The following GRB10 variants were observed in gnomAD, a reference collection of about 807,000 sequenced individuals.
GRB10 encodes growth factor receptor bound protein 10.
GRB10 carries 20 observed loss-of-function variants against 80.9 expected under a neutral mutation model. The observed-to-expected ratio is 0.25, with a 90% CI of 0.17 to 0.36. The LOEUF is 0.36. GRB10 is among the 10% of genes least tolerant of loss of function. The pLI is 1.00. For missense variants in GRB10, 548 were observed against 747.7 expected, an observed-to-expected ratio of 0.73 and a Z score of 3.12; for synonymous variants, 291 against 291.5, an observed-to-expected ratio of 1.00 and a Z score of 0.02.
At chr7:50,792,504 A>G (rs1413653104) in intron 1 of GRB10, 2 of 398,524 alleles carry the variant, frequency 5.0e-6, no homozygotes, top group Admixed American at 4.4e-5. Context: ...AGAGGCAATC[A>G]GCAAAGGCGA....
chr7:50,788,551 C>T (rs770462301), intron 1 of GRB10, among the ~76,000 whole-genome samples: 13 of 152,178 alleles, frequency 8.5e-5, no homozygotes, highest in Non-Finnish European at 1.8e-4. Context: ...AGCCCCCAAC[C>T]CCACATTAGC....
intron 5 of GRB10, among the ~76,000 whole-genome samples, chr7:50,696,113 A>G (rs1265837543): frequency 1.3e-5 from 2 of 152,092 alleles, no homozygotes; most frequent in South Asian, 2.1e-4. Context: ...GTCTTTCCCT[A>G]TTTCCTTTAT....
At position 50,626,780 on chromosome 7, in the gene GRB10, T is replaced by C. The variant is rs761869641; in HGVS notation, c.661+42A>G. On this transcript the variant is annotated intron_variant, in intron 8 of 18. Coordinates refer to ENST00000401949, the MANE Select transcript of GRB10 (RefSeq NM_001350814.2). ...GCAGCAGTCTTCATTCAATTGCACA[T>C]AAGCATCCCCAGGTGCCAATCCTGT... 6 of 1,612,086 alleles carry C rather than the reference T, an allele frequency of 3.7e-6. No individual in the cohort carries two copies. The African/African-American group carries it at 6.7e-5, about 18-fold the overall frequency.
chr7:50,659,070 A>C (rs1428279320), intron 7 of GRB10, among the ~76,000 whole-genome samples: 2 of 152,236 alleles, frequency 1.3e-5, no homozygotes, highest in African/African-American at 4.8e-5. Flanking sequence ...TTCTGTGTAA[A>C]GTTTACAGGT....
chr7:50,770,532 C>G (rs572682282), intron 2 of GRB10, among the ~76,000 whole-genome samples: 1 of 152,198 alleles, frequency 6.6e-6, no homozygotes, highest in South Asian at 2.1e-4. Context: ...GTGACCTCAC[C>G]CCTATGGCAA....
intron 4 of GRB10, among the ~76,000 whole-genome samples, chr7:50,726,424 C>T (rs12538863): frequency 0.084 from 12,770 of 151,770 alleles, 920 homozygotes; most frequent in Admixed American, 0.19. Context: ...AAAAATAATA[C>T]ATAGAAAATA....
intron 5 of GRB10, among the ~76,000 whole-genome samples, chr7:50,682,378 G>C (rs1018139130): frequency 2.0e-5 from 3 of 152,226 alleles, no homozygotes; most frequent in Non-Finnish European, 4.4e-5. Flanking sequence ...CAGGCTCTGG[G>C]ATTTAGGTGG....
chr7:50,678,276 TGA>T (rs2061166292), intron 5 of GRB10, among the ~76,000 whole-genome samples: 1 of 152,254 alleles, frequency 6.6e-6, no homozygotes, highest in African/African-American at 2.4e-5. Flanking sequence ...TACTCTCCTC[TGA>T]GGTGGATTAT....
intron 17 of GRB10, among the ~76,000 whole-genome samples, chr7:50,602,372 A>G (rs114570843): frequency 2.0e-5 from 3 of 152,266 alleles, no homozygotes; most frequent in Admixed American, 6.5e-5. Flanking sequence ...CGACACCACT[A>G]AACAGCAACC....
rs999148619 is a variant in GRB10, at chr7:50,621,221, A to G, written c.662-1936T>C. On this transcript the variant is annotated intron_variant, in intron 8 of 18. Coordinates refer to ENST00000401949, the MANE Select transcript of GRB10 (RefSeq NM_001350814.2). ...CCTGGAAAGATCATGGGAAAGTTGC[A>G]CATGGCAGTGTAAACACACAGGGGG... is the stretch of plus-strand genomic sequence containing the variant. 4.1e-4 allele frequency among the ~76,000 whole-genome samples: 62 copies of G among 152,224 alleles called. 2 individuals are homozygous for G. Among genetic ancestry groups the G allele is most frequent in the Non-Finnish European group, 8.8e-5 (6 of 68,040 alleles).
At position 50,777,994 on chromosome 7, in the gene GRB10, G is replaced by A. The variant is rs187158701; in HGVS notation, c.-217+2633C>T. 1.7e-3 allele frequency among the ~76,000 whole-genome samples: 265 copies of A among 152,196 alleles called. 2 individuals are homozygous for A. The highest frequency in any genetic ancestry group is 6.2e-3 in the African/African-American group (256 of 41,514). On this transcript the variant is annotated intron_variant, in intron 2 of 18. Transcript: ENST00000401949. ...TGGGGGGCTTAAAATCTAGATGACA[G>A]GTTGATAGATGTAGCAAACCACCAT...
intron 4 of GRB10, among the ~76,000 whole-genome samples, chr7:50,728,214 T>TGG (rs10538509): frequency 0.07 from 10,269 of 147,596 alleles, 415 homozygotes; most frequent in East Asian, 0.091. Flanking sequence ...AGCCAAAGTA[T>TGG]GGGGGGGGGG....
chr7:50,717,723 T>C (rs1300713276), intron 4 of GRB10, among the ~76,000 whole-genome samples: 1 of 152,244 alleles, frequency 6.6e-6, no homozygotes, highest in Non-Finnish European at 1.5e-5. Context: ...GTGTCCATAT[T>C]ATCAACCAGG....
At chr7:50,713,745 ACCT>A (rs994107515) in intron 4 of GRB10, among the ~76,000 whole-genome samples, 15 of 63,050 alleles carry the variant, frequency 2.4e-4, no homozygotes, top group Non-Finnish European at 3.1e-5. Flanking sequence ...CATCACCTCC[ACCT>A]CCTCCACCAT....
At position 50,732,361 on chromosome 7, in the gene GRB10, T is replaced by A; in HGVS notation, c.-39A>T. 6.4e-7 allele frequency: 1 copy of A among 1,554,158 alleles called. No homozygotes were observed. Among genetic ancestry groups the A allele is most frequent in the Non-Finnish European group, 8.9e-7 (1 of 1,126,396 alleles). Reference sequence around the variant, plus strand: ...CTTCTTCAAATTACATTTACTGCGCTGCAGCACCTGGAATAAAGACAGACT... The same window carrying A: ...CTTCTTCAAATTACATTTACTGCGCAGCAGCACCTGGAATAAAGACAGACT... On this transcript the variant is annotated 5_prime_UTR_variant, in exon 4 of 19. Transcript: ENST00000401949.
intron 5 of GRB10, among the ~76,000 whole-genome samples, chr7:50,688,440 T>C (rs2062370117): frequency 6.6e-6 from 1 of 152,122 alleles, no homozygotes; most frequent in Admixed American, 6.5e-5. Flanking sequence ...GAAGGTAGTG[T>C]CATCTTTGTC....
In GRB10 at chr7:50,618,252, C is replaced by A. The variant is rs1332590785; in HGVS notation, c.778-113G>T. The A allele has an allele frequency of 8.9e-6, 7 of 784,836 alleles. No homozygotes were observed. The Admixed American group carries it at 1.0e-4, about 11-fold the overall frequency. The allele number at this position is 784,836 out of a possible 1,614,324, so 48.6% of individuals were successfully genotyped here. A position where few individuals can be genotyped will look rare whatever the true frequency, so the allele number is the denominator to read the frequency against. ...ATTCCTACCAGTATAATTACATACA[C>A]CTGTATTTAAAATGGCGGTCCTTTT... On this transcript the variant is annotated intron_variant, in intron 9 of 18. Coordinates refer to ENST00000401949, the MANE Select transcript of GRB10 (RefSeq NM_001350814.2).
At chr7:50,611,581 C>A (rs1353369546) in intron 13 of GRB10, among the ~76,000 whole-genome samples, 1 of 152,158 alleles carries the variant, frequency 6.6e-6, no homozygotes, top group Non-Finnish European at 1.5e-5. Context: ...GCCCCAGCAT[C>A]CTATAAAAAT....
intron 7 of GRB10, among the ~76,000 whole-genome samples, chr7:50,667,731 C>T (rs962871387): frequency 3.3e-5 from 5 of 152,080 alleles, no homozygotes; most frequent in Non-Finnish European, 7.4e-5. Flanking sequence ...GAGAAACATC[C>T]TTCCTGGTCG....
Sources: gnomAD v4.1 joint callset for allele counts (sites outside exome capture counted in the v4.1 genomes callset) on GRCh38, gnomAD v4.1.1 for gene constraint, MANE v1.5 for transcripts, NCBI Gene and HGNC (gene_info 2026-07-23, HGNC 2026-07-21) for gene names.